The following ZPLD1 variants were observed in gnomAD, a reference collection of about 807,000 sequenced individuals.
The protein encoded by ZPLD1 is zona pellucida like domain containing 1, also known as zona pellucida-like domain-containing protein 1.
In ZPLD1, 34 loss-of-function variants were observed where a neutral mutation model predicts 47.2. That is an observed-to-expected ratio of 0.72 (90% CI 0.55 to 0.96). The LOEUF (loss-of-function observed/expected upper bound fraction) is 0.96, where lower values mean the gene tolerates loss of function less well. Among genes scored for constraint, ZPLD1 ranks in the 40% least tolerant of loss-of-function variants. The pLI, the probability that ZPLD1 is intolerant of heterozygous loss-of-function variation, is 0.00. For synonymous variants in ZPLD1, 176 were observed against 186.2 expected, an observed-to-expected ratio of 0.95 and a Z score of 0.45; for missense variants, 512 against 505.8, an observed-to-expected ratio of 1.01 and a Z score of -0.12.
intron 8 of ZPLD1, among the ~76,000 whole-genome samples, chr3:102,424,587 G>A (rs1706919396): frequency 6.6e-6 from 1 of 152,172 alleles, no homozygotes; most frequent in African/African-American, 2.4e-5. Context: ...AAACTTGTCT[G>A]TGGGTGGGGA....
In ZPLD1 at chr3:102,399,131, G is replaced by A. The variant is rs76751746; in HGVS notation, c.-157+6906G>A. ...GCCCTGTGATCACACTGTTTCTTGC[G>A]TGGACTGCTGCAATGGCCACCTATC... On this transcript the variant is annotated intron_variant, in intron 7 of 17. Coordinates refer to the ZPLD1 transcript ENST00000491959. Among the ~76,000 whole-genome samples, 12 of 152,104 alleles carry A rather than the reference G, an allele frequency of 7.9e-5. No homozygotes were observed. The East Asian group carries it at 1.2e-3, about 15-fold the overall frequency.
intron 7 of ZPLD1, among the ~76,000 whole-genome samples, chr3:102,397,742 C>T (rs9867423): frequency 0.21 from 32,220 of 151,956 alleles, 3,691 homozygotes; most frequent in African/African-American, 0.3. Context: ...TCACCTTTCC[C>T]TGTTCTGAAT....
intron 8 of ZPLD1, among the ~76,000 whole-genome samples, chr3:102,420,131 A>T (rs985459581): frequency 6.6e-6 from 1 of 151,904 alleles, no homozygotes; most frequent in Non-Finnish European, 1.5e-5. Context: ...AATTATAGGA[A>T]TTTCAAACTC....
At chr3:102,457,200 A>G (rs1436298966) in intron 5 of ZPLD1, among the ~76,000 whole-genome samples, 1 of 152,216 alleles carries the variant, frequency 6.6e-6, no homozygotes, top group Non-Finnish European at 1.5e-5. Flanking sequence ...TGGTTTTAAT[A>G]GCACAGTAAT....
intron 3 of ZPLD1, among the ~76,000 whole-genome samples, chr3:102,450,488 T>G (rs746406601): frequency 1.3e-5 from 2 of 152,050 alleles, no homozygotes; most frequent in African/African-American, 2.4e-5. Flanking sequence ...CAGATTCAAA[T>G]TTAGGAAGCA....
chr3:102,431,058 A>G (rs1238647373), upstream of ZPLD1, among the ~76,000 whole-genome samples: 4 of 152,222 alleles, frequency 2.6e-5, no homozygotes, highest in African/African-American at 7.2e-5. Context: ...AGTTCCACCT[A>G]TCATTTCACT....
chr3:102,416,263 C>T (rs940897951), intron 7 of ZPLD1, among the ~76,000 whole-genome samples: 10 of 151,928 alleles, frequency 6.6e-5, no homozygotes, highest in African/African-American at 2.4e-4. Flanking sequence ...TGCTGAAAGC[C>T]TGTAATGGAA....
chr3:102,453,056 T>C lies in ZPLD1; in HGVS notation c.244T>C (p.Phe82Leu), dbSNP rs778626990. 3.7e-6 allele frequency: 6 copies of C among 1,613,910 alleles called. No individual in the cohort carries two copies. Among genetic ancestry groups the C allele is most frequent in the East Asian group, 4.5e-5 (2 of 44,886 alleles). Residue 82 changes from phenylalanine (F) to leucine (L), a missense_variant, in exon 4 of 12, where the codon TTC becomes CTC. Transcript: ENST00000466937. Reference sequence around the variant, plus strand: ...GCATGGGGACTCCCACTGCAGAGGGTTCATCAATAACAACACCTTTCCAGC... The same window carrying C: ...GCATGGGGACTCCCACTGCAGAGGGCTCATCAATAACAACACCTTTCCAGC... Reference protein sequence around the residue: ...GRHGDSHCRGFINNNTFPAVV... With the variant: ...GRHGDSHCRGLINNNTFPAVV...
intron 7 of ZPLD1, among the ~76,000 whole-genome samples, chr3:102,403,996 C>T (rs114817073): frequency 0.02 from 3,044 of 152,044 alleles, 41 homozygotes; most frequent in Middle Eastern, 0.048. Context: ...AGTCAGAATT[C>T]TTCACTAGTT....
chr3:102,397,848 C>T (rs1032086632), intron 7 of ZPLD1, among the ~76,000 whole-genome samples: 18 of 152,300 alleles, frequency 1.2e-4, no homozygotes, highest in African/African-American at 4.3e-4. Flanking sequence ...CCGCTGCCTT[C>T]ACTAATCATC....
At chr3:102,406,801 CCTAT>C (rs1315046223) in intron 7 of ZPLD1, among the ~76,000 whole-genome samples, 1 of 151,894 alleles carries the variant, frequency 6.6e-6, no homozygotes, top group African/African-American at 2.4e-5. Context: ...TAATTCAGAG[CCTAT>C]CTTTCTCTTT....
At chr3:102,467,453 G>A (rs1322814017) in intron 8 of ZPLD1, among the ~76,000 whole-genome samples, 5 of 152,070 alleles carry the variant, frequency 3.3e-5, no homozygotes, top group Non-Finnish European at 7.4e-5. Flanking sequence ...ATTATTAAAG[G>A]AATGTGATAT....
chr3:102,456,545 ATATCTATCTATC>A (rs3077584), intron 5 of ZPLD1, among the ~76,000 whole-genome samples, 171 bp downstream of exon 5: 2,235 of 147,136 alleles, frequency 0.015, 24 homozygotes, highest in African/African-American at 0.037. Context: ...TTTATCTATT[ATATCTATCTATC>A]TATCTATCTA....
intron 7 of ZPLD1, among the ~76,000 whole-genome samples, chr3:102,402,398 G>A (rs1399354771): frequency 6.6e-6 from 1 of 151,954 alleles, no homozygotes; most frequent in Non-Finnish European, 1.5e-5. Flanking sequence ...ACCAAAGCTT[G>A]AACATCAACT....
chr3:102,472,300 G>T (rs576871756), intron 10 of ZPLD1, among the ~76,000 whole-genome samples: 1 of 152,066 alleles, frequency 6.6e-6, no homozygotes, highest in Non-Finnish European at 1.5e-5. Flanking sequence ...GGGAGGCTGA[G>T]GGGGGTGGAT....
chr3:102,447,439 C>T (rs1406040420), intron 3 of ZPLD1, among the ~76,000 whole-genome samples: 2 of 152,092 alleles, frequency 1.3e-5, no homozygotes, highest in Non-Finnish European at 2.9e-5. Context: ...TTTTTCAGAT[C>T]AATGATGAAG....
At chr3:102,426,900 T>A (rs1706955182) in intron 8 of ZPLD1, among the ~76,000 whole-genome samples, 2 of 152,188 alleles carry the variant, frequency 1.3e-5, no homozygotes, top group African/African-American at 4.8e-5. Context: ...TTTTTAGTTG[T>A]CCTTTTATAT....
intron 3 of ZPLD1, among the ~76,000 whole-genome samples, chr3:102,439,363 T>A (rs1707140621): frequency 6.6e-6 from 1 of 152,192 alleles, no homozygotes; most frequent in South Asian, 2.1e-4. Flanking sequence ...CATAGAGCAA[T>A]CAGTAGGTAG....
At chr3:102,411,746 A>T (rs1706749689) in intron 7 of ZPLD1, among the ~76,000 whole-genome samples, 1 of 151,854 alleles carries the variant, frequency 6.6e-6, no homozygotes, top group South Asian at 2.1e-4. Context: ...ATAAAAACTA[A>T]AAATAAAATT....
Sources: allele counts gnomAD v4.1 joint callset (sites outside exome capture counted in the v4.1 genomes callset), GRCh38; gene constraint gnomAD v4.1.1; transcripts MANE v1.5; gene names NCBI Gene and HGNC (gene_info 2026-07-23, HGNC 2026-07-21).